The following RAB2A variants were observed in gnomAD, a reference collection of about 807,000 sequenced individuals.
RAB2A encodes the protein RAB2A, member RAS oncogene family, also known as ras-related protein Rab-2A.
A neutral mutation model predicts 32.5 loss-of-function variants in RAB2A; 7 were observed. That is an observed-to-expected ratio of 0.22 (90% CI 0.12 to 0.40). RAB2A has a LOEUF of 0.40. RAB2A is among the 10% of genes least tolerant of loss of function. The pLI, the probability that RAB2A is intolerant of heterozygous loss-of-function variation, is 1.00. For missense variants in RAB2A, 108 were observed against 260.7 expected, an observed-to-expected ratio of 0.41 and a Z score of 4.03; for synonymous variants, 79 against 85.2, an observed-to-expected ratio of 0.93 and a Z score of 0.40.
At chr8:60,527,107 T>A (rs563822086) in intron 1 of RAB2A, among the ~76,000 whole-genome samples, 3 of 148,052 alleles carry the variant, frequency 2.0e-5, no homozygotes, top group Non-Finnish European at 3.0e-5. Flanking sequence ...TGGCAGAAGG[T>A]GAAGGGGAAG....
chr8:60,521,809 T>TG (rs1243623894), intron 1 of RAB2A, among the ~76,000 whole-genome samples: 1 of 152,096 alleles, frequency 6.6e-6, no homozygotes, highest in Non-Finnish European at 1.5e-5. Context: ...TTAGTAGAGA[T>TG]GGAGTTTTGC....
At chr8:60,584,659 ATTG>A (rs1170658373) in intron 4 of RAB2A, 61 bp from the exon 5 acceptor site, 1 of 1,333,834 alleles carries the variant, frequency 7.5e-7, no homozygotes, top group Non-Finnish European at 1.1e-6. Flanking sequence ...AAATATGTAT[ATTG>A]TTCGTTGTAT....
At chr8:60,605,266 C>T (rs568084051) in intron 6 of RAB2A, among the ~76,000 whole-genome samples, 1 of 152,302 alleles carries the variant, frequency 6.6e-6, no homozygotes, top group East Asian at 1.9e-4. Context: ...GAAACCTCTG[C>T]CTAGATTTCA....
intron 1 of RAB2A, among the ~76,000 whole-genome samples, chr8:60,552,199 C>T (rs1478181603): frequency 6.6e-6 from 1 of 151,916 alleles, no homozygotes; most frequent in African/African-American, 2.4e-5. Context: ...GATAGGGTTT[C>T]ACCATGTTGG....
At chr8:60,583,064 T>A in intron 3 of RAB2A, among the ~76,000 whole-genome samples, 1 of 148,564 alleles carries the variant, frequency 6.7e-6, no homozygotes, top group Admixed American at 6.7e-5. Flanking sequence ...AGGGAGGGAG[T>A]ATAGAGGAAG....
At chr8:60,599,016 G>T (rs1442389231) in intron 6 of RAB2A, among the ~76,000 whole-genome samples, 2 of 149,210 alleles carry the variant, frequency 1.3e-5, no homozygotes, top group Non-Finnish European at 3.0e-5. Context: ...TTCTATTTGT[G>T]GATGATGTAA....
chr8:60,585,922 A>T (rs569029101), intron 5 of RAB2A, among the ~76,000 whole-genome samples: 1 of 152,352 alleles, frequency 6.6e-6, no homozygotes, highest in East Asian at 1.9e-4. Context: ...ATTTGCGTTT[A>T]TTCCCACAAG....
intron 1 of RAB2A, among the ~76,000 whole-genome samples, chr8:60,519,501 C>T (rs1295315889): frequency 6.6e-6 from 1 of 152,164 alleles, no homozygotes; most frequent in East Asian, 1.9e-4. Flanking sequence ...CCTTCACAGT[C>T]AACATATATT....
chr8:60,591,803 G>A (rs1454834860), intron 5 of RAB2A, 55 bp from the exon 6 acceptor site: 1 of 1,130,772 alleles, frequency 8.8e-7, no homozygotes, highest in Non-Finnish European at 1.3e-6. Flanking sequence ...TTCCACAAAT[G>A]CTTCTGTTTG....
chr8:60,536,368 TA>T (rs1434633293), intron 1 of RAB2A, among the ~76,000 whole-genome samples: 3 of 152,224 alleles, frequency 2.0e-5, no homozygotes, highest in Non-Finnish European at 4.4e-5. Context: ...AAACCATTTG[TA>T]TTATAATATA....
intron 3 of RAB2A, 100 bp from the exon 4 acceptor site, chr8:60,584,108 G>A: frequency 1.1e-6 from 1 of 932,390 alleles, no homozygotes; most frequent in East Asian, 2.5e-5. Context: ...CTCTCTTTAT[G>A]CACTCCTTCC....
intron 6 of RAB2A, among the ~76,000 whole-genome samples, chr8:60,592,975 A>G (rs1803967126): frequency 6.6e-6 from 1 of 152,240 alleles, no homozygotes; most frequent in Non-Finnish European, 1.5e-5. Context: ...AACAGAGGTC[A>G]GGGTCCTGGG....
At chr8:60,610,995 A>T (rs1404321314) in intron 6 of RAB2A, among the ~76,000 whole-genome samples, 7 of 152,266 alleles carry the variant, frequency 4.6e-5, no homozygotes, top group South Asian at 2.1e-4. Context: ...TTCATGGTAT[A>T]CCCTTTTATC....
intron 3 of RAB2A, among the ~76,000 whole-genome samples, chr8:60,579,282 A>T (rs1449563737): frequency 6.6e-6 from 1 of 152,204 alleles, no homozygotes; most frequent in South Asian, 2.1e-4. Context: ...ACCTCAGGTG[A>T]TCCATCCGCC....
At chr8:60,595,384 C>G (rs1804005949) in intron 6 of RAB2A, among the ~76,000 whole-genome samples, 1 of 152,150 alleles carries the variant, frequency 6.6e-6, no homozygotes, top group Non-Finnish European at 1.5e-5. Context: ...AGTAAAATGT[C>G]AGATGTAAGC....
At chr8:60,596,659 A>C (rs1804034202) in intron 6 of RAB2A, among the ~76,000 whole-genome samples, 1 of 152,188 alleles carries the variant, frequency 6.6e-6, no homozygotes, top group Non-Finnish European at 1.5e-5. Flanking sequence ...GCGGTGGCTC[A>C]TGCCTGTAAT....
intron 3 of RAB2A, among the ~76,000 whole-genome samples, chr8:60,578,120 A>G (rs903764920): frequency 6.6e-6 from 1 of 152,212 alleles, no homozygotes; most frequent in African/African-American, 2.4e-5. Flanking sequence ...GAGAAGTATT[A>G]CTGTAATACT....
chr8:60,526,020 C>CATATATATACAT (rs1807377448), intron 1 of RAB2A, among the ~76,000 whole-genome samples: 1 of 92,356 alleles, frequency 1.1e-5, no homozygotes, highest in Non-Finnish European at 2.2e-5. Context: ...TGTGTGTGTA[C>CATATATATACAT]ATATATATAT....
intron 3 of RAB2A, among the ~76,000 whole-genome samples, chr8:60,579,185 G>A (rs1045252956): frequency 6.6e-6 from 1 of 152,154 alleles, no homozygotes; most frequent in African/African-American, 2.4e-5. Flanking sequence ...TGGGATTACA[G>A]GCACGTGCCA....
Sources: allele counts gnomAD v4.1 joint callset (sites outside exome capture counted in the v4.1 genomes callset), GRCh38; gene constraint gnomAD v4.1.1; transcripts MANE v1.5; gene names NCBI Gene and HGNC (gene_info 2026-07-23, HGNC 2026-07-21).